Variants in PDZD2 observed in about 807,000 individuals in gnomAD.
The protein encoded by PDZD2 is PDZ domain containing 2.
A neutral mutation model predicts 220.7 loss-of-function variants in PDZD2; 90 were observed. The ratio of observed to expected loss-of-function variants is 0.41; its 90% CI spans 0.34 to 0.49. PDZD2 has a LOEUF of 0.49. Ranked by LOEUF, PDZD2 falls within the 20% of genes least tolerant of loss-of-function variation. The probability of loss-of-function intolerance (pLI) is 0.28; values close to 1 mark genes in which losing one functional copy is unlikely to be tolerated. For missense variants in PDZD2, 3,174 were observed against 3,608.5 expected, an observed-to-expected ratio of 0.88 and a Z score of 3.08; for synonymous variants, 1,375 against 1,450.5, an observed-to-expected ratio of 0.95 and a Z score of 1.18.
chr5:32,036,635 G>T (rs1373062216), intron 6 of PDZD2, among the ~76,000 whole-genome samples: 1 of 152,222 alleles, frequency 6.6e-6, no homozygotes. Context: ...CCTCCAGGGT[G>T]CCTGGGGCTG....
Position 32,037,147 on chromosome 5 carries a change from C to T in PDZD2, c.1408-84C>T, listed in dbSNP as rs532602538. 6 of 826,022 alleles carry T rather than the reference C, an allele frequency of 7.3e-6. No homozygotes were observed. In the South Asian group the frequency reaches 9.2e-5, roughly 13 times the overall value. 51.2% of individuals were successfully genotyped at this position (826,022 alleles called of 1,614,324 possible). A position where few individuals can be genotyped will look rare whatever the true frequency, so the allele number is the denominator to read the frequency against. On this transcript the variant is annotated intron_variant, in intron 6 of 24. Coordinates refer to ENST00000438447, the MANE Select transcript of PDZD2 (RefSeq NM_178140.4). ...ACACCTGTATTGCTGCTCCTTGAGC[C>T]TTGAGATAACATTGTGGAGGGGGAC...
At chr5:32,025,503 C>T (rs1286738977) in intron 6 of PDZD2, among the ~76,000 whole-genome samples, 1 of 135,696 alleles carries the variant, frequency 7.4e-6, no homozygotes, top group Non-Finnish European at 1.6e-5. Context: ...CCAGCCTGGA[C>T]AACAAGAGTG....
intron 2 of PDZD2, among the ~76,000 whole-genome samples, chr5:31,872,142 G>GGTGTGTGTGTGTGTGT (rs55806241): frequency 0.091 from 13,385 of 147,612 alleles, 701 homozygotes; most frequent in African/African-American, 0.11. Flanking sequence ...TAAGGTGAGT[G>GGTGTGTGTGTGTGTGT]GTGTGTGTGT....
At chr5:31,659,651 G>T (rs201455462) in intron 1 of PDZD2, among the ~76,000 whole-genome samples, 1 of 152,058 alleles carries the variant, frequency 6.6e-6, no homozygotes, top group East Asian at 1.9e-4. Context: ...GGCTTTTCTT[G>T]TATAGGACTG....
intron 2 of PDZD2, among the ~76,000 whole-genome samples, chr5:31,901,064 G>C (rs1742048841): frequency 6.6e-6 from 1 of 152,162 alleles, no homozygotes; most frequent in South Asian, 2.1e-4. Context: ...ACCTTTCTAA[G>C]AACTTTCTAT....
At chr5:31,732,947 T>C (rs1749622460) in intron 1 of PDZD2, among the ~76,000 whole-genome samples, 1 of 152,220 alleles carries the variant, frequency 6.6e-6, no homozygotes, top group Non-Finnish European at 1.5e-5. Flanking sequence ...CAGACTGATC[T>C]TGAACTTCTG....
intron 2 of PDZD2, among the ~76,000 whole-genome samples, chr5:31,941,112 T>C (rs1160442219): frequency 6.6e-6 from 1 of 152,248 alleles, no homozygotes; most frequent in African/African-American, 2.4e-5. Flanking sequence ...GAATTCATCA[T>C]GGTGCTCTTT....
chr5:31,731,035 AG>A (rs1212383280), intron 1 of PDZD2, among the ~76,000 whole-genome samples: 1 of 152,162 alleles, frequency 6.6e-6, no homozygotes, highest in African/African-American at 2.4e-5. Flanking sequence ...TGAGCTCCCA[AG>A]GTATTTGCAA....
Position 31,677,779 on chromosome 5 carries a change from T to C in PDZD2, c.-361+38342T>C, listed in dbSNP as rs375100787. On this transcript the variant is annotated intron_variant, in intron 1 of 24. Transcript: ENST00000438447. ...AAGACAAAAAAGAGTACATACGGCA[T>C]AAATGCACTTATATATAATAAAATT... Among the ~76,000 whole-genome samples, 30 of 152,174 alleles carry C rather than the reference T, an allele frequency of 2.0e-4. No homozygotes were observed. In the South Asian group the frequency reaches 6.0e-3, roughly 31 times the overall value.
In PDZD2 at chr5:32,089,096, C is replaced by T. The variant is rs772009489; in HGVS notation, c.5648C>T (p.Pro1883Leu). 7.4e-6 allele frequency: 12 copies of T among 1,614,042 alleles called. No individual in the cohort carries two copies. Among genetic ancestry groups the T allele is most frequent in the South Asian group, 6.6e-5 (6 of 91,082 alleles). Reference protein sequence around the residue: ...LTNGQKAKCGPKLKRLSLKGK... With the variant: ...LTNGQKAKCGLKLKRLSLKGK... ...AATGGTCAGAAGGCAAAGTGTGGTCCGAAGCTGAAGAGGCTCAGCCTCAAG... is the reference window on the plus strand; with the variant it reads ...AATGGTCAGAAGGCAAAGTGTGGTCTGAAGCTGAAGAGGCTCAGCCTCAAG... The change falls in exon 20 of 25, where the codon CCG becomes CTG. Residue 1883 changes from proline (P) to leucine (L), a missense_variant. Around this residue, in one of 4 missense-constraint regions of PDZD2, gnomAD observed 1,861 missense variants for 2,001.0 expected, o/e 0.93. Coordinates refer to ENST00000438447, the MANE Select transcript of PDZD2 (RefSeq NM_178140.4).
chr5:31,784,998 T>C (rs1304953421), intron 1 of PDZD2, among the ~76,000 whole-genome samples: 1 of 152,162 alleles, frequency 6.6e-6, no homozygotes, highest in African/African-American at 2.4e-5. Flanking sequence ...AAGCCTCAAC[T>C]ACAGTGTGGG....
At chr5:31,879,380 C>CT (rs1401676226) in intron 2 of PDZD2, among the ~76,000 whole-genome samples, 1 of 134,330 alleles carries the variant, frequency 7.4e-6, no homozygotes, top group African/African-American at 3.0e-5. Flanking sequence ...GAGCGAGACT[C>CT]TGTCTCAAAA....
chr5:31,789,589 G>T (rs944998975), intron 1 of PDZD2, among the ~76,000 whole-genome samples: 31 of 152,126 alleles, frequency 2.0e-4, no homozygotes, highest in Non-Finnish European at 1.6e-4. Flanking sequence ...AGCAATCTTT[G>T]GTACCCCCAA....
At chr5:31,747,485 C>T (rs1580676302) in intron 1 of PDZD2, among the ~76,000 whole-genome samples, 1 of 152,108 alleles carries the variant, frequency 6.6e-6, no homozygotes, top group African/African-American at 2.4e-5. Context: ...GCTGTTTTTT[C>T]AGGTGACAAG....
intron 2 of PDZD2, among the ~76,000 whole-genome samples, chr5:31,862,377 T>TA (rs1737801630): frequency 6.6e-6 from 1 of 152,028 alleles, no homozygotes; most frequent in South Asian, 2.1e-4. Context: ...GTGCTGGAAT[T>TA]ACAGGCATGA....
intron 1 of PDZD2, among the ~76,000 whole-genome samples, chr5:31,752,269 C>T (rs1199355464): frequency 6.6e-6 from 1 of 151,724 alleles, no homozygotes; most frequent in East Asian, 1.9e-4. Context: ...TTTGTTGAGG[C>T]TGGGCACGGT....
At chr5:31,778,317 G>A (rs1171559268) in intron 1 of PDZD2, among the ~76,000 whole-genome samples, 1 of 152,164 alleles carries the variant, frequency 6.6e-6, no homozygotes, top group Non-Finnish European at 1.5e-5. Flanking sequence ...GTGGCAAGAG[G>A]CTCGGGTCCC....
Position 31,920,392 on chromosome 5 carries a change from C to A in PDZD2, c.477-62763C>A, listed in dbSNP as rs991873714. 9.3e-3 allele frequency among the ~76,000 whole-genome samples: 16 copies of A among 1,722 alleles called. No homozygotes were observed. In the African/African-American group the frequency reaches 0.18, roughly 19 times the overall value. 1.1% of individuals were successfully genotyped at this position (1,722 alleles called of 152,430 possible). A position where few individuals can be genotyped will look rare whatever the true frequency, so the allele number is the denominator to read the frequency against. On this transcript the variant is annotated intron_variant, in intron 2 of 24. Transcript: ENST00000438447. ...GTACAGCCTCCCCCATGATCAACGC[C>A]CCCCCCCCCCACTGGGGTGGTGCAT... is the stretch of plus-strand genomic sequence containing the variant.
chr5:31,678,105 A>T lies in PDZD2; in HGVS notation c.-361+38668A>T, dbSNP rs371253822. Reference sequence around the variant, plus strand: ...TACATCAGTAAAGGTCTTTATAAGGACTCCAGACATGGGGGACAGATGGTC... The same window carrying T: ...TACATCAGTAAAGGTCTTTATAAGGTCTCCAGACATGGGGGACAGATGGTC... On this transcript the variant is annotated intron_variant, in intron 1 of 24. Transcript: ENST00000438447. 2.6e-5 allele frequency among the ~76,000 whole-genome samples: 4 copies of T among 152,138 alleles called. No individual in the cohort carries two copies. The East Asian group carries it at 7.7e-4, about 29-fold the overall frequency.
Sources: allele counts gnomAD v4.1 joint callset (sites outside exome capture counted in the v4.1 genomes callset), GRCh38; gene constraint gnomAD v4.1.1; regional missense constraint gnomAD v4.1.1; transcripts MANE v1.5; gene names NCBI Gene and HGNC (gene_info 2026-07-23, HGNC 2026-07-21).